The following HS6ST3 variants were observed in gnomAD, a reference collection of about 807,000 sequenced individuals.
The protein encoded by HS6ST3 is heparan sulfate 6-O-sulfotransferase 3.
Under a neutral mutation model 36.7 loss-of-function variants are expected in HS6ST3, and 12 were observed. The observed-to-expected ratio is 0.33, with a 90% confidence interval of 0.21 to 0.53. HS6ST3 has a LOEUF of 0.53. HS6ST3 is among the 20% of genes least tolerant of loss of function. HS6ST3 has a pLI of 0.95. For missense variants in HS6ST3, 584 were observed against 640.9 expected (o/e 0.91, Z 0.96); for synonymous variants, 240 against 257.5 (o/e 0.93, Z 0.65).
intron 1 of HS6ST3, among the ~76,000 whole-genome samples, chr13:96,204,128 A>G (rs901111579): frequency 6.6e-6 from 1 of 152,212 alleles, no homozygotes; most frequent in African/African-American, 2.4e-5. Context: ...TGTCAGATTA[A>G]TATGTGTCAT....
chr13:96,748,207 A>G (rs1876609190), intron 1 of HS6ST3, among the ~76,000 whole-genome samples: 1 of 152,052 alleles, frequency 6.6e-6, no homozygotes, highest in Non-Finnish European at 1.5e-5. Context: ...TTCAAAGCGC[A>G]CGTACAACTC....
chr13:96,109,788 T>TA (rs1341968652), intron 1 of HS6ST3, among the ~76,000 whole-genome samples: 1 of 152,180 alleles, frequency 6.6e-6, no homozygotes, highest in African/African-American at 2.4e-5. Context: ...ATTAAGTCCT[T>TA]ACATCTAGTG....
At chr13:96,731,366 T>C (rs1184599616) in intron 1 of HS6ST3, among the ~76,000 whole-genome samples, 3 of 152,212 alleles carry the variant, frequency 2.0e-5, no homozygotes, top group African/African-American at 7.2e-5. Context: ...TTATTTTTGT[T>C]ATTCAGTTAA....
At chr13:96,118,195 A>G (rs1469026001) in intron 1 of HS6ST3, among the ~76,000 whole-genome samples, 4 of 152,188 alleles carry the variant, frequency 2.6e-5, no homozygotes, top group Non-Finnish European at 5.9e-5. Context: ...ATTTGGAGGT[A>G]GAACCTTTGA....
chr13:96,769,876 A>G (rs554454498), intron 1 of HS6ST3, among the ~76,000 whole-genome samples: 75 of 152,192 alleles, frequency 4.9e-4, no homozygotes, highest in African/African-American at 1.5e-3. Flanking sequence ...CATTAAGTTA[A>G]TCATGCCAGC....
At chr13:96,300,528 A>G (rs931338221) in intron 1 of HS6ST3, among the ~76,000 whole-genome samples, 6 of 152,296 alleles carry the variant, frequency 3.9e-5, no homozygotes, top group African/African-American at 1.4e-4. Context: ...AAACCATATC[A>G]GAAGTCTTAC....
rs564263261 is a variant in HS6ST3, at chr13:96,291,927, G to A, written c.707+200358G>A. Among the ~76,000 whole-genome samples, 8 of 152,200 alleles carry A rather than the reference G, an allele frequency of 5.3e-5. No homozygotes were observed. The South Asian group carries it at 1.7e-3, about 32-fold the overall frequency. On this transcript the variant is annotated intron_variant, in intron 1 of 1. Coordinates refer to ENST00000376705, the MANE Select transcript of HS6ST3 (RefSeq NM_153456.4). Reference sequence around the variant, plus strand: ...AGTACATATTGAGTACATATGGTTTGTCTCATTTGTCAAACTCGTGTTCCA... The same window carrying A: ...AGTACATATTGAGTACATATGGTTTATCTCATTTGTCAAACTCGTGTTCCA...
intron 1 of HS6ST3, among the ~76,000 whole-genome samples, chr13:96,214,604 G>C (rs1043919099): frequency 2.0e-5 from 3 of 151,968 alleles, no homozygotes; most frequent in Admixed American, 6.6e-5. Context: ...ATTTTTATGG[G>C]TACATAGTAG....
rs553594333 is a variant in HS6ST3, at chr13:96,437,456, T to G, written c.707+345887T>G. The stretch of plus-strand genomic sequence containing the variant: ...TGAAGGCAAGGAAAATACTATCACT[T>G]CTTTCTCATTTCCAGTCTCCTCCCC... On this transcript the variant is annotated intron_variant, in intron 1 of 1. Coordinates refer to ENST00000376705, the MANE Select transcript of HS6ST3 (RefSeq NM_153456.4). Among the ~76,000 whole-genome samples, 20 of 152,344 alleles carry G rather than the reference T, an allele frequency of 1.3e-4. No individual in the cohort carries two copies. The South Asian group carries it at 4.1e-3, about 32-fold the overall frequency.
At chr13:96,589,055 G>GAA (rs774694159) in intron 1 of HS6ST3, among the ~76,000 whole-genome samples, 42 of 51,330 alleles carry the variant, frequency 8.2e-4, no homozygotes, top group Middle Eastern at 0.011. Context: ...CATCTCAAGA[G>GAA]AAAAAAAAAA....
intron 1 of HS6ST3, among the ~76,000 whole-genome samples, chr13:96,485,315 G>T (rs1448965568): frequency 1.3e-5 from 2 of 151,624 alleles, no homozygotes; most frequent in African/African-American, 2.4e-5. Context: ...TTTTATTAGA[G>T]TTATACCAAA....
At chr13:96,352,108 T>C (rs546532102) in intron 1 of HS6ST3, among the ~76,000 whole-genome samples, 2 of 152,346 alleles carry the variant, frequency 1.3e-5, no homozygotes, top group African/African-American at 4.8e-5. Flanking sequence ...GTCCATTCTA[T>C]GTAAATGAGT....
At chr13:96,593,175 T>TTC (rs1491331895) in intron 1 of HS6ST3, among the ~76,000 whole-genome samples, 5 of 8,082 alleles carry the variant, frequency 6.2e-4, no homozygotes, top group Non-Finnish European at 1.4e-3. Context: ...TCTTTCTTTC[T>TTC]TTTTTTTTTT....
intron 1 of HS6ST3, among the ~76,000 whole-genome samples, chr13:96,707,738 G>T (rs145664528): frequency 1.3e-5 from 2 of 152,292 alleles, no homozygotes; most frequent in African/African-American, 4.8e-5. Context: ...ATATAAAGAT[G>T]CCCTGACAAT....
At chr13:96,318,847 A>G (rs935630216) in intron 1 of HS6ST3, among the ~76,000 whole-genome samples, 2 of 152,198 alleles carry the variant, frequency 1.3e-5, no homozygotes, top group African/African-American at 4.8e-5. Flanking sequence ...TTGGTCACCT[A>G]TTAGGTCCAA....
intron 1 of HS6ST3, among the ~76,000 whole-genome samples, chr13:96,445,007 T>C (rs1227566142): frequency 6.6e-6 from 1 of 151,812 alleles, no homozygotes; most frequent in Non-Finnish European, 1.5e-5. Flanking sequence ...GAGAAATTGT[T>C]AAAAAAAATG....
chr13:96,357,368 C>A (rs79049007), intron 1 of HS6ST3, among the ~76,000 whole-genome samples: 2,084 of 152,240 alleles, frequency 0.014, 54 homozygotes, highest in African/African-American at 0.048. Flanking sequence ...TCAACTTAAT[C>A]ATTTCTAGCT....
chr13:96,675,730 G>A (rs1188095734), intron 1 of HS6ST3, among the ~76,000 whole-genome samples: 2 of 152,160 alleles, frequency 1.3e-5, no homozygotes, highest in African/African-American at 4.8e-5. Context: ...TTATTGTAAG[G>A]CAAAAAATGA....
At chr13:96,567,507 A>G (rs1295389729) in intron 1 of HS6ST3, among the ~76,000 whole-genome samples, 1 of 152,172 alleles carries the variant, frequency 6.6e-6, no homozygotes, top group African/African-American at 2.4e-5. Flanking sequence ...ACTCTATTAT[A>G]TAATGAGTAA....
Sources: allele counts gnomAD v4.1 joint callset (sites outside exome capture counted in the v4.1 genomes callset), GRCh38; gene constraint gnomAD v4.1.1; transcripts MANE v1.5; gene names NCBI Gene and HGNC (gene_info 2026-07-23, HGNC 2026-07-21).